The following SLC24A2 variants were observed in gnomAD, a reference collection of about 807,000 sequenced individuals.
SLC24A2 encodes the protein solute carrier family 24 member 2, also known as sodium/potassium/calcium exchanger 2.
In SLC24A2, 36 loss-of-function variants were observed where a neutral mutation model predicts 62.0. The ratio of observed to expected loss-of-function variants is 0.58; its 90% confidence interval spans 0.44 to 0.77. The LOEUF (loss-of-function observed/expected upper bound fraction) is 0.77, where lower values mean the gene tolerates loss of function less well. SLC24A2 is among the 30% of genes least tolerant of loss of function. SLC24A2 has a pLI of 0.00. For synonymous variants in SLC24A2, 358 were observed against 294.0 expected (o/e 1.22, Z -2.23); for missense variants, 846 against 817.9 (o/e 1.03, Z -0.42).
At chr9:20,267,503 G>A in the SLC24A2 span, among the ~76,000 whole-genome samples, 4 of 152,138 alleles carry the variant, frequency 2.6e-5, no homozygotes, top group African/African-American at 9.7e-5. Flanking sequence ...GGTGGTAGGA[G>A]AAGAATAACA....
At chr9:19,715,924 A>G (rs1820847194) in intron 2 of SLC24A2, among the ~76,000 whole-genome samples, 1 of 152,194 alleles carries the variant, frequency 6.6e-6, no homozygotes, top group Non-Finnish European at 1.5e-5. Context: ...GTGGGGGAGA[A>G]GAAAAGTTTT....
chr9:19,644,151 A>C (rs1197306974), intron 2 of SLC24A2, among the ~76,000 whole-genome samples: 1 of 152,204 alleles, frequency 6.6e-6, no homozygotes, highest in Non-Finnish European at 1.5e-5. Flanking sequence ...GTTGAGAATA[A>C]GGTGGAGTGT....
chr9:19,730,757 G>A (rs752565379), intron 2 of SLC24A2, among the ~76,000 whole-genome samples: 2 of 151,844 alleles, frequency 1.3e-5, no homozygotes, highest in Non-Finnish European at 2.9e-5. Flanking sequence ...ATTTAAACAT[G>A]CTTAAAATAT....
the SLC24A2 span, among the ~76,000 whole-genome samples, chr9:19,997,114 A>G: frequency 1.3e-5 from 2 of 152,274 alleles, no homozygotes; most frequent in South Asian, 4.1e-4. Flanking sequence ...ATTACGAGAG[A>G]GAGCACAGAG....
chr9:19,808,587 C>T, the SLC24A2 span, among the ~76,000 whole-genome samples: 1 of 152,158 alleles, frequency 6.6e-6, no homozygotes, highest in Non-Finnish European at 1.5e-5. The surrounding 1 kb of genome is among the most constrained non-coding windows in gnomAD (Gnocchi z 4.1). Flanking sequence ...GGTAGGCAGA[C>T]ACATCCAGGG....
At chr9:20,299,142 G>A in the SLC24A2 span, among the ~76,000 whole-genome samples, 2 of 152,348 alleles carry the variant, frequency 1.3e-5, no homozygotes, top group South Asian at 4.1e-4. Context: ...TTCATAGAGA[G>A]GGAGCAGGAG....
intron 2 of SLC24A2, among the ~76,000 whole-genome samples, chr9:19,664,283 T>C (rs1819185654): frequency 6.6e-6 from 1 of 152,336 alleles, no homozygotes; most frequent in Middle Eastern, 3.4e-3. Flanking sequence ...AGGGTTTCTT[T>C]AAATGGTAAG....
the SLC24A2 span, among the ~76,000 whole-genome samples, chr9:20,285,681 A>G: frequency 6.6e-6 from 1 of 152,216 alleles, no homozygotes; most frequent in African/African-American, 2.4e-5. Context: ...TGTTTGACCA[A>G]ATTTCTGGGT....
At chr9:19,720,483 G>C (rs905971788) in intron 2 of SLC24A2, among the ~76,000 whole-genome samples, 6 of 152,142 alleles carry the variant, frequency 3.9e-5, no homozygotes, top group Non-Finnish European at 7.4e-5. Flanking sequence ...GAAAATTCAA[G>C]GTGGAATTTC....
chr9:20,269,130 C>G, the SLC24A2 span, among the ~76,000 whole-genome samples: 52 of 152,194 alleles, frequency 3.4e-4, no homozygotes, highest in African/African-American at 1.2e-3. Context: ...GCCTGAAGCA[C>G]GAATTTTTAT....
At chr9:20,176,848 T>C in the SLC24A2 span, among the ~76,000 whole-genome samples, 125 of 152,244 alleles carry the variant, frequency 8.2e-4, no homozygotes, top group African/African-American at 2.9e-3. Context: ...TATATGCTTA[T>C]GAATAAAAGC....
At chr9:20,082,244 G>A in the SLC24A2 span, among the ~76,000 whole-genome samples, 53,996 of 151,998 alleles carry the variant, frequency 0.36, 9,810 homozygotes, top group Middle Eastern at 0.49. Flanking sequence ...GCAGGCTACC[G>A]TATTTTTTTG....
intron 2 of SLC24A2, among the ~76,000 whole-genome samples, chr9:19,696,544 G>T (rs1820197300): frequency 6.6e-6 from 1 of 152,142 alleles, no homozygotes; most frequent in Admixed American, 6.6e-5. Context: ...AGAGAACTTT[G>T]AGTATGTGAT....
the SLC24A2 span, among the ~76,000 whole-genome samples, chr9:20,204,330 C>G: frequency 3.3e-5 from 5 of 152,190 alleles, no homozygotes; most frequent in Non-Finnish European, 5.9e-5. Context: ...GAAAAAGAGA[C>G]TGCGTTGCCA....
the SLC24A2 span, among the ~76,000 whole-genome samples, chr9:19,871,678 G>A: frequency 6.6e-6 from 1 of 152,116 alleles, no homozygotes; most frequent in Non-Finnish European, 1.5e-5. Flanking sequence ...CTAAAACTAT[G>A]TGTAGAAGAT....
the SLC24A2 span, among the ~76,000 whole-genome samples, chr9:19,905,836 C>T: frequency 2.0e-5 from 3 of 152,146 alleles, no homozygotes; most frequent in South Asian, 4.1e-4. Context: ...TTTGTATTAA[C>T]ACTTATGTGC....
At chr9:19,587,788 T>A (rs1165228446) in intron 5 of SLC24A2, among the ~76,000 whole-genome samples, 1 of 152,180 alleles carries the variant, frequency 6.6e-6, no homozygotes, top group East Asian at 1.9e-4. Flanking sequence ...AAAAGAAGCA[T>A]CCACAATTTG....
At chr9:19,573,271 GA>G in intron 7 of SLC24A2, 79 bp downstream of exon 7, 1 of 958,896 alleles carries the variant, frequency 1.0e-6, no homozygotes. Flanking sequence ...GGCTTCCAAG[GA>G]GAATATAGGG....
intron 2 of SLC24A2, among the ~76,000 whole-genome samples, chr9:19,768,866 T>A (rs1332227700): frequency 1.3e-5 from 2 of 152,300 alleles, no homozygotes; most frequent in East Asian, 3.9e-4. Flanking sequence ...CCAGGCTCCC[T>A]TGCTGGTTTC....
Sources: allele counts gnomAD v4.1 joint callset (sites outside exome capture counted in the v4.1 genomes callset), GRCh38; gene constraint gnomAD v4.1.1; non-coding constraint Gnocchi (gnomAD v3.1); transcripts MANE v1.5; gene names NCBI Gene and HGNC (gene_info 2026-07-23, HGNC 2026-07-21).